The following DISC1 variants were observed in gnomAD, a reference collection of about 807,000 sequenced individuals.
The protein encoded by DISC1 is disrupted in schizophrenia 1 protein.
Under a neutral mutation model 84.5 loss-of-function variants are expected in DISC1, and 57 were observed. The ratio of observed to expected loss-of-function variants is 0.67; its 90% CI spans 0.55 to 0.84. The LOEUF (loss-of-function observed/expected upper bound fraction) is 0.84. DISC1 is among the 40% of genes least tolerant of loss of function. The pLI is 0.00. For missense variants in DISC1, 1,000 were observed against 1,057.8 expected (o/e 0.95, Z 0.76); for synonymous variants, 411 against 415.2 (o/e 0.99, Z 0.12).
intron 1 of DISC1, among the ~76,000 whole-genome samples, chr1:231,636,198 C>G (rs947878573): frequency 1.3e-5 from 2 of 152,226 alleles, no homozygotes; most frequent in Admixed American, 6.5e-5. Flanking sequence ...ATATAATTCT[C>G]CATTTGTAGA....
chr1:231,835,492 A>C (rs1410663322), intron 9 of DISC1, among the ~76,000 whole-genome samples: 1 of 152,124 alleles, frequency 6.6e-6, no homozygotes. Flanking sequence ...AGGAGAAGGA[A>C]TTTCACCAGA....
At position 231,935,635 on chromosome 1, in the gene DISC1, A is replaced by T. The variant is rs58237083; in HGVS notation, c.1982-23193A>T. ...CAATTCGGTGAGTAGAGGGACTCGTACCTTATACAGGGTTTGGCGTCTAAA... is the reference window on the plus strand; with the variant it reads ...CAATTCGGTGAGTAGAGGGACTCGTTCCTTATACAGGGTTTGGCGTCTAAA... On this transcript the variant is annotated intron_variant, in intron 9 of 12. Coordinates refer to ENST00000439617, the MANE Select transcript of DISC1 (RefSeq NM_018662.3). 6.4e-3 allele frequency among the ~76,000 whole-genome samples: 981 copies of T among 152,304 alleles called. 4 individuals carry two copies. Among genetic ancestry groups the T allele is most frequent in the African/African-American group, 0.022 (917 of 41,570 alleles).
intron 10 of DISC1, chr1:231,959,202 T>C: frequency 3.9e-6 from 4 of 1,029,666 alleles, no homozygotes; most frequent in Non-Finnish European, 4.6e-6. Context: ...TGTTTTTCCC[T>C]TTTTTAAACT....
chr1:231,972,936 T>C (rs1662215545), intron 10 of DISC1, among the ~76,000 whole-genome samples: 1 of 152,214 alleles, frequency 6.6e-6, no homozygotes. Context: ...AATATTGGGC[T>C]GCGTCTCCTC....
chr1:231,718,422 G>A (rs1029743114), intron 3 of DISC1, among the ~76,000 whole-genome samples: 1 of 148,394 alleles, frequency 6.7e-6, no homozygotes, highest in Non-Finnish European at 1.5e-5. Context: ...CCCACTTCAA[G>A]CAACTTTCTC....
chr1:232,036,909 T>C lies in DISC1; in HGVS notation c.*78T>C, dbSNP rs550458844. The C allele has an allele frequency of 3.7e-4, 518 of 1,400,008 alleles. 4 individuals are homozygous for C. The South Asian group carries it at 8.0e-3, about 22-fold the overall frequency. 86.7% of individuals were successfully genotyped at this position (1,400,008 alleles called of 1,614,324 possible). The stretch of plus-strand genomic sequence containing the variant: ...CTGCTCTTCCCTCCCCCGCCATAGC[T>C]AAGATGCCTGAATCAATTACGGAGA... On this transcript the variant is annotated 3_prime_UTR_variant, in exon 13 of 13. Transcript: ENST00000439617.
chr1:231,658,323 T>C (rs536305913), intron 1 of DISC1, among the ~76,000 whole-genome samples: 1 of 152,336 alleles, frequency 6.6e-6, no homozygotes, highest in African/African-American at 2.4e-5. Flanking sequence ...TTTTTGCACA[T>C]TGATTTTGTA....
chr1:231,777,374 C>T (rs1263372444), intron 6 of DISC1, among the ~76,000 whole-genome samples: 1 of 152,068 alleles, frequency 6.6e-6, no homozygotes, highest in Non-Finnish European at 1.5e-5. Context: ...GTGCATGTCA[C>T]CATGCCAGGC....
At chr1:231,722,261 T>G (rs200830735) in intron 3 of DISC1, among the ~76,000 whole-genome samples, 28 of 152,170 alleles carry the variant, frequency 1.8e-4, no homozygotes, top group Non-Finnish European at 3.4e-4. Context: ...AATCTGGGCT[T>G]CTTTTTCATG....
chr1:231,921,573 C>T (rs1188341896), intron 9 of DISC1, among the ~76,000 whole-genome samples: 1 of 151,782 alleles, frequency 6.6e-6, no homozygotes, highest in African/African-American at 2.4e-5. Flanking sequence ...TGATTGGATT[C>T]TTCAAAAAGT....
chr1:231,891,515 C>T (rs556632546), intron 9 of DISC1, among the ~76,000 whole-genome samples: 1 of 152,272 alleles, frequency 6.6e-6, no homozygotes, highest in East Asian at 1.9e-4. Flanking sequence ...ATTGTGGTTT[C>T]TGCAGGAAGG....
intron 1 of DISC1, among the ~76,000 whole-genome samples, chr1:231,640,337 G>A (rs2059532166): frequency 6.6e-6 from 1 of 152,154 alleles, no homozygotes; most frequent in South Asian, 2.1e-4. Flanking sequence ...AAGAACAGAT[G>A]AACATAAGAG....
intron 1 of DISC1, among the ~76,000 whole-genome samples, chr1:231,638,430 A>G (rs1476231019): frequency 1.3e-5 from 2 of 152,120 alleles, no homozygotes; most frequent in African/African-American, 4.8e-5. Context: ...TGTTCAGAAG[A>G]GTTTTCCCTC....
At position 232,008,803 on chromosome 1, in the gene DISC1, T is replaced by G; in HGVS notation, c.2061T>G (p.Leu687=). 1 of 1,581,530 alleles carries G rather than the reference T, an allele frequency of 6.3e-7. No homozygotes were observed. Among genetic ancestry groups the G allele is most frequent in the Non-Finnish European group, 8.6e-7 (1 of 1,163,430 alleles). The change falls in exon 11 of 13, where the codon CTT becomes CTG. Residue 687 remains leucine, a synonymous_variant. Coordinates refer to ENST00000439617, the MANE Select transcript of DISC1 (RefSeq NM_018662.3). ...GTCTCAGCTGCAAGTGTCCACTGCT[T>G]GGGAAAGTGTGGGAAGCTGACTTGG... The part of the protein sequence containing the change: ...NKLCSCKCPL[L]GKVWEADLEA...
intron 9 of DISC1, among the ~76,000 whole-genome samples, chr1:231,919,518 G>A (rs1186861165): frequency 6.6e-6 from 1 of 152,184 alleles, no homozygotes; most frequent in Non-Finnish European, 1.5e-5. Context: ...TGTCTTTCTG[G>A]CCCGGTCAGG....
intron 9 of DISC1, among the ~76,000 whole-genome samples, chr1:231,841,288 T>C (rs2083040847): frequency 6.6e-6 from 1 of 152,240 alleles, no homozygotes; most frequent in African/African-American, 2.4e-5. Context: ...ACTATTATTA[T>C]TATTGACTAA....
At chr1:231,843,964 G>A (rs2083268135) in intron 9 of DISC1, among the ~76,000 whole-genome samples, 3 of 152,044 alleles carry the variant, frequency 2.0e-5, no homozygotes, top group South Asian at 2.1e-4. Flanking sequence ...AGAGTGCATG[G>A]GAAAAGCCAG....
At chr1:231,689,378 C>T (rs979958489) in intron 1 of DISC1, among the ~76,000 whole-genome samples, 8 of 152,042 alleles carry the variant, frequency 5.3e-5, no homozygotes, top group African/African-American at 1.9e-4. Context: ...GTCACCCAGA[C>T]TGGAGTGCAG....
At chr1:232,022,397 T>C (rs1669041773) in intron 11 of DISC1, among the ~76,000 whole-genome samples, 1 of 150,844 alleles carries the variant, frequency 6.6e-6, no homozygotes, top group Admixed American at 6.6e-5. Context: ...AACCTCCGCC[T>C]CCTGGGGTCA....
Sources: allele counts gnomAD v4.1 joint callset (sites outside exome capture counted in the v4.1 genomes callset), GRCh38; gene constraint gnomAD v4.1.1; transcripts MANE v1.5; gene names NCBI Gene and HGNC (gene_info 2026-07-23, HGNC 2026-07-21).